SHISA9: variants seen among roughly 807,000 people sequenced by gnomAD.
SHISA9 encodes protein shisa-9.
Under a neutral mutation model 38.0 loss-of-function variants are expected in SHISA9, and 13 were observed. The observed-to-expected ratio is 0.34, with a 90% CI of 0.22 to 0.54. The LOEUF is 0.54. SHISA9 is among the 20% of genes least tolerant of loss of function. The pLI is 0.91. For missense variants in SHISA9, 538 were observed against 575.8 expected (o/e 0.93, Z 0.67); for synonymous variants, 275 against 242.0 (o/e 1.14, Z -1.27).
chr16:13,423,171 A>G, the SHISA9 span, among the ~76,000 whole-genome samples: 2 of 152,226 alleles, frequency 1.3e-5, no homozygotes, highest in South Asian at 4.1e-4. Context: ...AGTGGCATCC[A>G]GGAGCCCCAG....
chr16:12,973,369 T>C (rs72782681), intron 2 of SHISA9, among the ~76,000 whole-genome samples: 1 of 152,368 alleles, frequency 6.6e-6, no homozygotes, highest in Non-Finnish European at 1.5e-5. Context: ...ATGTGCCTGT[T>C]GTTTCGCTGG....
chr16:13,297,762 C>A, the SHISA9 span, among the ~76,000 whole-genome samples: 1 of 151,284 alleles, frequency 6.6e-6, no homozygotes, highest in African/African-American at 2.4e-5. Context: ...CTTTTTTTTT[C>A]TTTCTTCTTT....
the SHISA9 span, among the ~76,000 whole-genome samples, chr16:13,338,724 G>A: frequency 6.6e-6 from 1 of 152,286 alleles, no homozygotes; most frequent in Admixed American, 6.5e-5. Flanking sequence ...CTCTGAGCCT[G>A]TTACAGACTC....
chr16:13,158,881 C>T (rs1325927253), intron 2 of SHISA9, among the ~76,000 whole-genome samples: 4 of 133,268 alleles, frequency 3.0e-5, no homozygotes, highest in South Asian at 2.7e-4. Context: ...ATGGTGTAAC[C>T]CCATCTCTAC....
At chr16:13,052,560 C>G (rs931270943) in intron 2 of SHISA9, among the ~76,000 whole-genome samples, 2 of 152,108 alleles carry the variant, frequency 1.3e-5, no homozygotes, top group South Asian at 4.1e-4. Context: ...GAGTCTTGAA[C>G]CCAATCTATG....
At chr16:13,529,835 G>T in the SHISA9 span, among the ~76,000 whole-genome samples, 3 of 152,212 alleles carry the variant, frequency 2.0e-5, no homozygotes, top group Non-Finnish European at 4.4e-5. Context: ...GCAGATGCTT[G>T]TGAGAGGCCA....
chr16:13,423,394 C>T, the SHISA9 span, among the ~76,000 whole-genome samples: 4 of 152,106 alleles, frequency 2.6e-5, no homozygotes, highest in African/African-American at 7.2e-5. Flanking sequence ...GAAGAAATAA[C>T]CCCTGTAATC....
intron 2 of SHISA9, among the ~76,000 whole-genome samples, chr16:12,984,833 A>G (rs1414387854): frequency 3.9e-5 from 6 of 152,104 alleles, no homozygotes; most frequent in Non-Finnish European, 5.9e-5. Flanking sequence ...GCCACCCTAT[A>G]TGGGAGTAAG....
the SHISA9 span, among the ~76,000 whole-genome samples, chr16:13,312,753 C>T: frequency 6.6e-6 from 1 of 152,148 alleles, no homozygotes; most frequent in South Asian, 2.1e-4. Flanking sequence ...ATGCTCTCAA[C>T]AGATTTCCAT....
At chr16:12,943,939 A>T (rs2071655907) in intron 2 of SHISA9, among the ~76,000 whole-genome samples, 1 of 152,138 alleles carries the variant, frequency 6.6e-6, no homozygotes, top group South Asian at 2.1e-4. Flanking sequence ...CATTTTTAAT[A>T]ATTTATTTAT....
At chr16:12,975,871 A>G (rs1455450102) in intron 2 of SHISA9, among the ~76,000 whole-genome samples, 5 of 148,524 alleles carry the variant, frequency 3.4e-5, no homozygotes, top group African/African-American at 7.5e-5. Context: ...ATTTATTTGA[A>G]CAGCAATTTT....
intron 2 of SHISA9, among the ~76,000 whole-genome samples, chr16:13,043,177 C>T (rs2073150974): frequency 1.3e-5 from 2 of 152,172 alleles, no homozygotes; most frequent in African/African-American, 4.8e-5. Context: ...TGAGTGTCAA[C>T]ATCTAACCAG....
At chr16:13,548,103 C>T in the SHISA9 span, among the ~76,000 whole-genome samples, 1 of 152,080 alleles carries the variant, frequency 6.6e-6, no homozygotes, top group Non-Finnish European at 1.5e-5. Context: ...GCACCAAGAA[C>T]ACACATATGG....
At chr16:13,075,236 C>T (rs2073567016) in intron 2 of SHISA9, among the ~76,000 whole-genome samples, 3 of 152,284 alleles carry the variant, frequency 2.0e-5, no homozygotes, top group African/African-American at 7.2e-5. Flanking sequence ...TAATCATCTG[C>T]TTGGATAGCA....
chr16:12,980,743 A>G (rs890908254), intron 2 of SHISA9, among the ~76,000 whole-genome samples: 1 of 148,776 alleles, frequency 6.7e-6, no homozygotes, highest in Non-Finnish European at 1.5e-5. Flanking sequence ...TTTTTTTTCT[A>G]TTTTTTTAGT....
the SHISA9 span, among the ~76,000 whole-genome samples, chr16:13,431,027 T>G: frequency 6.6e-6 from 1 of 152,206 alleles, no homozygotes; most frequent in Non-Finnish European, 1.5e-5. Flanking sequence ...GAGATATGAT[T>G]GAGCAGAGGC....
the SHISA9 span, among the ~76,000 whole-genome samples, chr16:13,266,582 C>T: frequency 1.3e-5 from 2 of 152,104 alleles, no homozygotes; most frequent in Non-Finnish European, 2.9e-5. Flanking sequence ...TGGAATTGCT[C>T]AGGGAGGCTC....
At chr16:13,355,340 A>G in the SHISA9 span, among the ~76,000 whole-genome samples, 10 of 151,834 alleles carry the variant, frequency 6.6e-5, no homozygotes, top group Admixed American at 3.9e-4. Flanking sequence ...GGGTGATTAG[A>G]TTTTAATGAG....
At chr16:13,469,255 A>G in the SHISA9 span, among the ~76,000 whole-genome samples, 1 of 149,976 alleles carries the variant, frequency 6.7e-6, no homozygotes, top group African/African-American at 2.5e-5. Context: ...AAAAAAAGAG[A>G]AGAAAGTAAG....
Sources: allele counts gnomAD v4.1 joint callset (sites outside exome capture counted in the v4.1 genomes callset), GRCh38; gene constraint gnomAD v4.1.1; transcripts MANE v1.5; gene names NCBI Gene and HGNC (gene_info 2026-07-23, HGNC 2026-07-21).